Variants in CAST observed in about 807,000 individuals in gnomAD.
CAST encodes the protein MIR583 host.
A neutral mutation model predicts 119.6 loss-of-function variants in CAST; 76 were observed. The observed-to-expected ratio is 0.64, with a 90% confidence interval of 0.53 to 0.77. CAST has a LOEUF of 0.77. Ranked by LOEUF, CAST falls within the 30% of genes least tolerant of loss-of-function variation. The pLI is 0.00. For missense variants in CAST, 953 were observed against 946.5 expected (o/e 1.01, Z -0.09); for synonymous variants, 319 against 331.6 (o/e 0.96, Z 0.41).
chr5:96,454,918 C>A, the CAST span, among the ~76,000 whole-genome samples: 4 of 152,150 alleles, frequency 2.6e-5, no homozygotes, highest in African/African-American at 9.7e-5. Context: ...TGGCTCAGAG[C>A]CTTTGGCAAG....
the CAST span, among the ~76,000 whole-genome samples, chr5:96,105,539 A>G: frequency 6.6e-6 from 1 of 152,296 alleles, no homozygotes. Context: ...GATTACATTT[A>G]TTGATTTGCG....
the CAST span, among the ~76,000 whole-genome samples, chr5:96,463,835 C>T: frequency 6.6e-6 from 1 of 152,086 alleles, no homozygotes; most frequent in African/African-American, 2.4e-5. Flanking sequence ...CTTTCTTTCA[C>T]CACCTCTGTT....
chr5:96,343,520 G>A, the CAST span, among the ~76,000 whole-genome samples: 1 of 152,116 alleles, frequency 6.6e-6, no homozygotes, highest in Non-Finnish European at 1.5e-5. Context: ...GAAAGCAACA[G>A]CTATGTGCTT....
chr5:96,131,336 T>C, the CAST span, among the ~76,000 whole-genome samples: 1 of 152,014 alleles, frequency 6.6e-6, no homozygotes, highest in African/African-American at 2.4e-5. Context: ...TTAAATATTT[T>C]TGGAAGCCTG....
At chr5:96,329,554 A>G in the CAST span, among the ~76,000 whole-genome samples, 2 of 152,236 alleles carry the variant, frequency 1.3e-5, no homozygotes, top group African/African-American at 4.8e-5. Context: ...GCAGCTAGAA[A>G]TAACAAAGCC....
At chr5:96,674,960 T>C (rs1750526768) in intron 1 of CAST, among the ~76,000 whole-genome samples, 1 of 152,240 alleles carries the variant, frequency 6.6e-6, no homozygotes, top group Non-Finnish European at 1.5e-5. Flanking sequence ...AAAAATAAAA[T>C]AACACTTTTA....
intron 1 of CAST, among the ~76,000 whole-genome samples, chr5:96,670,111 A>G (rs1001680238): frequency 6.6e-6 from 1 of 152,160 alleles, no homozygotes; most frequent in Admixed American, 6.5e-5. Flanking sequence ...ATGAGCTCGG[A>G]GAGTCCAGAG....
At chr5:96,640,231 T>G (rs1747933871) in intron 1 of CAST, among the ~76,000 whole-genome samples, 1 of 152,166 alleles carries the variant, frequency 6.6e-6, no homozygotes, top group African/African-American at 2.4e-5. Context: ...AGGGACCTTG[T>G]GGTGCTTCTT....
At chr5:95,982,289 A>ACCATTTTCT in the CAST span, among the ~76,000 whole-genome samples, 2 of 151,396 alleles carry the variant, frequency 1.3e-5, no homozygotes, top group Non-Finnish European at 2.9e-5. Context: ...TTCCATTTTC[A>ACCATTTTCT]CCATTTTCTA....
the CAST span, among the ~76,000 whole-genome samples, chr5:96,097,448 A>G: frequency 6.6e-6 from 1 of 151,640 alleles, no homozygotes; most frequent in Non-Finnish European, 1.5e-5. Context: ...CAGGTATTAA[A>G]CCTAGTTCCC....
chr5:96,112,643 A>G, the CAST span, among the ~76,000 whole-genome samples: 383 of 152,322 alleles, frequency 2.5e-3, 1 homozygote, highest in Non-Finnish European at 3.7e-3. Flanking sequence ...TTCACTTACA[A>G]ATGGGTTACA....
chr5:96,615,798 T>C (rs1007157986), intron 1 of CAST, among the ~76,000 whole-genome samples: 2 of 152,172 alleles, frequency 1.3e-5, no homozygotes, highest in Non-Finnish European at 2.9e-5. Context: ...GTTCTGGTAT[T>C]AGGGTTCTCT....
chr5:96,738,970 A>T (rs1762185404), intron 11 of CAST, among the ~76,000 whole-genome samples: 1 of 151,900 alleles, frequency 6.6e-6, no homozygotes, highest in Admixed American at 6.6e-5. Flanking sequence ...CATAGGCTAG[A>T]CAAAAATATT....
At chr5:96,589,385 C>A (rs1311579365) in intron 1 of CAST, among the ~76,000 whole-genome samples, 1 of 152,080 alleles carries the variant, frequency 6.6e-6, no homozygotes, top group Non-Finnish European at 1.5e-5. Context: ...TATGTCAATC[C>A]TTTTTCTTCT....
the CAST span, among the ~76,000 whole-genome samples, chr5:96,069,408 T>TACATGCACATGCCC: frequency 6.7e-6 from 1 of 149,894 alleles, no homozygotes; most frequent in Non-Finnish European, 1.5e-5. Context: ...TGTGTGTGTG[T>TACATGCACATGCCC]CTATGTGTGT....
chr5:96,430,129 G>A, the CAST span, among the ~76,000 whole-genome samples: 1 of 152,130 alleles, frequency 6.6e-6, no homozygotes. Context: ...ACTAATTCAA[G>A]GCTTTCAGAA....
the CAST span, among the ~76,000 whole-genome samples, chr5:96,443,210 T>C: frequency 1.8e-4 from 28 of 152,310 alleles, no homozygotes; most frequent in African/African-American, 4.8e-4. Context: ...TCACCAAGAG[T>C]AAAATAGCCC....
intron 11 of CAST, 52 bp downstream of exon 11, chr5:96,737,999 A>G: frequency 9.8e-7 from 1 of 1,017,240 alleles, no homozygotes; most frequent in Admixed American, 1.7e-5. Flanking sequence ...TAGGAGAGCA[A>G]ATAAGGCCAT....
chr5:96,325,877 T>A, the CAST span, among the ~76,000 whole-genome samples: 1 of 152,210 alleles, frequency 6.6e-6, no homozygotes, highest in Admixed American at 6.5e-5. Context: ...AATGGGTAGA[T>A]TTCTGTTTTG....
Sources: allele counts gnomAD v4.1 joint callset (sites outside exome capture counted in the v4.1 genomes callset), GRCh38; gene constraint gnomAD v4.1.1; transcripts MANE v1.5; gene names NCBI Gene and HGNC (gene_info 2026-07-23, HGNC 2026-07-21).